The following MARK2 variants were observed in gnomAD, a reference collection of about 807,000 sequenced individuals.
MARK2 encodes the protein microtubule affinity regulating kinase 2.
A neutral mutation model predicts 89.8 loss-of-function variants in MARK2; 16 were observed. The observed-to-expected ratio is 0.18, with a 90% CI of 0.12 to 0.27. The LOEUF is 0.27. MARK2 is among the 10% of genes least tolerant of loss of function. MARK2 has a pLI of 1.00. For synonymous variants in MARK2, 382 were observed against 399.5 expected (o/e 0.96, Z 0.52); for missense variants, 621 against 1,049.9 (o/e 0.59, Z 5.65).
chr11:63,898,159 TG>T, intron 3 of MARK2, 72 bp from the exon 4 acceptor site: 1 of 1,322,354 alleles, frequency 7.6e-7, no homozygotes, highest in Non-Finnish European at 1.1e-6. Flanking sequence ...AAACAAATCC[TG>T]GCAGGGACTG....
At chr11:63,841,110 C>T (rs1590949472) in intron 1 of MARK2, among the ~76,000 whole-genome samples, 3 of 152,258 alleles carry the variant, frequency 2.0e-5, no homozygotes. Context: ...CCTTCTTTCC[C>T]CTCCTTCCAT....
Position 63,904,054 on chromosome 11 carries a change from G to T in MARK2, c.1583G>T (p.Arg528Leu). 1 of 1,608,342 alleles carries T rather than the reference G, an allele frequency of 6.2e-7. No individual in the cohort carries two copies. ...ASAAVSAARP[R>L]QHQKSMSASV... Reference sequence around the variant, plus strand: ...GCCGCAGTCTCTGCGGCCCGGCCCCGCCAGCACCAGAAATCCATGTCGGCC... The same window carrying T: ...GCCGCAGTCTCTGCGGCCCGGCCCCTCCAGCACCAGAAATCCATGTCGGCC... The change falls in exon 15 of 19, where the codon CGC (arginine) becomes CTC (leucine). Residue 528 changes from arginine to leucine, a missense_variant. This residue lies in a region of MARK2 where 397 missense variants were observed against 567.8 expected (regional missense o/e 0.70). Transcript: ENST00000402010. This position sits in a 1 kb window ranked among gnomAD's most constrained non-coding sequence, Gnocchi z 6.3.
Position 63,909,348 on chromosome 11 carries a change from C to G in MARK2, c.*111C>G. 1 of 1,160,130 alleles carries G rather than the reference C, an allele frequency of 8.6e-7. No homozygotes were observed. The highest frequency in any genetic ancestry group is 1.7e-5 in the South Asian group (1 of 59,848). 71.9% of individuals were successfully genotyped at this position (1,160,130 alleles called of 1,614,324 possible). On this transcript the variant is annotated 3_prime_UTR_variant, in exon 19 of 19. Coordinates refer to ENST00000402010, the MANE Select transcript of MARK2 (RefSeq NM_001039469.3). Reference sequence around the variant, plus strand: ...GCGATGGATTGGTGTGTCTCCCCTGCTGGCACTTCTCCCCTCCCTGGCCCT... The same window carrying G: ...GCGATGGATTGGTGTGTCTCCCCTGGTGGCACTTCTCCCCTCCCTGGCCCT...
intron 1 of MARK2, among the ~76,000 whole-genome samples, chr11:63,888,159 A>C (rs1054495678): frequency 6.6e-6 from 1 of 152,124 alleles, no homozygotes; most frequent in Non-Finnish European, 1.5e-5. Context: ...TTCCAAGGTT[A>C]AGCACTGCTT....
chr11:63,902,770 A>G lies in MARK2; in HGVS notation c.1404A>G (p.Pro468=). 1.2e-6 allele frequency: 2 copies of G among 1,611,740 alleles called. No individual in the cohort carries two copies. The highest frequency in any genetic ancestry group is 8.5e-7 in the Non-Finnish European group (1 of 1,179,096). ...GTCTGGAGAGGAAGAAGACCACCCC[A>G]ACCCCCTCCACGGTGAGCCGCACCC... ...LPGLERKKTT[P]TPSTNSVLST... is the part of the protein sequence containing the mutation. Residue 468 remains proline (P), a synonymous_variant, in exon 13 of 19, where the codon CCA becomes CCG. Transcript: ENST00000402010. This position sits in a 1 kb window ranked among gnomAD's most constrained non-coding sequence, Gnocchi z 4.2.
chr11:63,863,128 C>T (rs1452362796), intron 1 of MARK2, among the ~76,000 whole-genome samples: 1 of 152,180 alleles, frequency 6.6e-6, no homozygotes, highest in Non-Finnish European at 1.5e-5. Context: ...CTGTGTGTCT[C>T]TTTATCCCAT....
intron 1 of MARK2, among the ~76,000 whole-genome samples, chr11:63,841,686 G>A (rs2016026719): frequency 6.6e-6 from 1 of 152,242 alleles, no homozygotes; most frequent in African/African-American, 2.4e-5. Context: ...GCACCCTCAG[G>A]CATTTGGGGA....
At chr11:63,846,878 G>A (rs940785393) in intron 1 of MARK2, among the ~76,000 whole-genome samples, 2 of 151,940 alleles carry the variant, frequency 1.3e-5, no homozygotes, top group East Asian at 1.9e-4. Flanking sequence ...GGATGGTCTC[G>A]ATCTTCTGAC....
At chr11:63,856,291 C>T (rs1039386984) in intron 1 of MARK2, among the ~76,000 whole-genome samples, 2 of 141,236 alleles carry the variant, frequency 1.4e-5, no homozygotes, top group Non-Finnish European at 3.0e-5. Context: ...CTGATACATA[C>T]ACCACTGGCC....
At chr11:63,889,550 G>A (rs993885904) in intron 1 of MARK2, among the ~76,000 whole-genome samples, 3 of 152,228 alleles carry the variant, frequency 2.0e-5, no homozygotes, top group Admixed American at 6.5e-5. Flanking sequence ...GCTGTCTTCC[G>A]GGCAAGCCTG....
Position 63,898,648 on chromosome 11 carries a change from C to T in MARK2, c.378C>T (p.Tyr126=). 6.2e-7 allele frequency: 1 copy of T among 1,614,128 alleles called. No homozygotes were observed. Among genetic ancestry groups the T allele is most frequent in the Non-Finnish European group, 8.5e-7 (1 of 1,179,968 alleles). The part of the protein sequence containing the change: ...FEVIETEKTL[Y]LVMEYASGGE... ...TGATTGAGACTGAGAAAACGCTCTA[C>T]CTTGTCATGGAGTACGCTAGTGGCG... The change falls in exon 5 of 19, where the codon TAC becomes TAT. Residue 126 remains tyrosine (Y), a synonymous_variant. Transcript: ENST00000402010.
chr11:63,884,510 G>GT (rs1939281806), intron 1 of MARK2, among the ~76,000 whole-genome samples: 1 of 152,274 alleles, frequency 6.6e-6, no homozygotes, highest in Non-Finnish European at 1.5e-5. Context: ...CTAAAGGGCA[G>GT]TAAACCACCT....
chr11:63,842,225 T>A (rs1161033977), intron 1 of MARK2, among the ~76,000 whole-genome samples: 1 of 151,672 alleles, frequency 6.6e-6, no homozygotes, highest in Non-Finnish European at 1.5e-5. Flanking sequence ...TTCTTTTTTT[T>A]TTTTTTTTTT....
intron 1 of MARK2, among the ~76,000 whole-genome samples, chr11:63,870,388 G>C (rs1300168086): frequency 6.6e-6 from 1 of 152,152 alleles, no homozygotes; most frequent in African/African-American, 2.4e-5. Flanking sequence ...TGATTTAAAA[G>C]TCGGCACCAG....
At chr11:63,855,243 G>A (rs962406222) in intron 1 of MARK2, among the ~76,000 whole-genome samples, 1 of 152,182 alleles carries the variant, frequency 6.6e-6, no homozygotes, top group South Asian at 2.1e-4. Context: ...ACGAGGCCAG[G>A]CATGGTGGCT....
chr11:63,846,139 C>T (rs755743764), intron 1 of MARK2, among the ~76,000 whole-genome samples: 2 of 152,166 alleles, frequency 1.3e-5, no homozygotes, highest in Non-Finnish European at 2.9e-5. Flanking sequence ...AGTTCCTCCT[C>T]TTGCCCTCTA....
chr11:63,846,567 G>A (rs1488777925), intron 1 of MARK2, among the ~76,000 whole-genome samples: 5 of 151,860 alleles, frequency 3.3e-5, no homozygotes, highest in African/African-American at 9.7e-5. Flanking sequence ...TGTTGGTCAG[G>A]CTGGCCTTGA....
chr11:63,872,853 T>TTCC (rs1272512649), intron 1 of MARK2, among the ~76,000 whole-genome samples: 7 of 149,694 alleles, frequency 4.7e-5, no homozygotes, highest in African/African-American at 4.9e-5. Context: ...ATAATCTCCC[T>TTCC]TCCTCCTCCT....
At chr11:63,870,400 A>G (rs1055059816) in intron 1 of MARK2, among the ~76,000 whole-genome samples, 1 of 152,162 alleles carries the variant, frequency 6.6e-6, no homozygotes, top group African/African-American at 2.4e-5. Context: ...CGGCACCAGC[A>G]TTCTAGCCCT....
Sources: allele counts gnomAD v4.1 joint callset (sites outside exome capture counted in the v4.1 genomes callset), GRCh38; gene constraint gnomAD v4.1.1; regional missense constraint gnomAD v4.1.1; non-coding constraint Gnocchi (gnomAD v3.1); transcripts MANE v1.5; gene names NCBI Gene and HGNC (gene_info 2026-07-23, HGNC 2026-07-21).